CYREN: variants seen among roughly 807,000 people sequenced by gnomAD.
CYREN encodes the protein cell cycle regulator of NHEJ.
Under a neutral mutation model 9.7 loss-of-function variants are expected in CYREN, and 7 were observed. The observed-to-expected ratio is 0.72, with a 90% CI of 0.41 to 1.36. The LOEUF (loss-of-function observed/expected upper bound fraction) is 1.36. CYREN is among the 40% of genes most tolerant of loss of function. The pLI, the probability that CYREN is intolerant of heterozygous loss-of-function variation, is 0.01. For missense variants in CYREN, 215 were observed against 198.1 expected, an observed-to-expected ratio of 1.09 and a Z score of -0.51; for synonymous variants, 76 against 77.9, an observed-to-expected ratio of 0.98 and a Z score of 0.13.
At chr7:135,138,921 A>G (rs1829403116) in intron 2 of CYREN, among the ~76,000 whole-genome samples, 1 of 151,932 alleles carries the variant, frequency 6.6e-6, no homozygotes, top group African/African-American at 2.4e-5. Flanking sequence ...AAAGGACACT[A>G]TTTCATTCTT....
chr7:135,109,899 C>T (rs1009177859), intron 2 of CYREN, among the ~76,000 whole-genome samples: 2 of 152,206 alleles, frequency 1.3e-5, no homozygotes, highest in Non-Finnish European at 2.9e-5. Flanking sequence ...AGCTCTATAC[C>T]AGGGAGGCTC....
intron 2 of CYREN, among the ~76,000 whole-genome samples, chr7:135,150,684 G>A (rs966334023): frequency 7.9e-5 from 12 of 152,262 alleles, no homozygotes; most frequent in African/African-American, 2.2e-4. Flanking sequence ...AATCTTGGCC[G>A]CCCACAAACT....
downstream of CYREN, chr7:135,164,548 C>T: frequency 6.2e-7 from 1 of 1,614,194 alleles, no homozygotes; most frequent in Non-Finnish European, 8.5e-7. Flanking sequence ...CTCTGGGAGG[C>T]TGGCAACCTC....
intron 2 of CYREN, among the ~76,000 whole-genome samples, chr7:135,152,354 A>G (rs1240530081): frequency 6.6e-6 from 1 of 152,238 alleles, no homozygotes; most frequent in African/African-American, 2.4e-5. Context: ...AAATGAGTTA[A>G]TGCACGTAAA....
downstream of CYREN, among the ~76,000 whole-genome samples, chr7:135,161,119 GGT>G (rs1311929867): frequency 2.6e-5 from 4 of 152,170 alleles, no homozygotes; most frequent in Non-Finnish European, 4.4e-5. The surrounding 1 kb of genome is among the most constrained non-coding windows in gnomAD (Gnocchi z 4.1). Flanking sequence ...AATATAAAAA[GGT>G]GAGAGGCCAC....
chr7:135,134,786 A>C (rs1829249757), intron 2 of CYREN: 2 of 1,432,888 alleles, frequency 1.4e-6, no homozygotes, highest in Non-Finnish European at 1.9e-6. Context: ...CATACCTAGG[A>C]CTACAAAGTA....
At chr7:135,163,574 G>A (rs916713438), downstream of CYREN, among the ~76,000 whole-genome samples, 4 of 152,190 alleles carry the variant, frequency 2.6e-5, no homozygotes, top group Non-Finnish European at 5.9e-5. Context: ...GACCCCGGGA[G>A]GCAGAGATTG....
intron 2 of CYREN, among the ~76,000 whole-genome samples, chr7:135,111,911 T>C (rs1330467023): frequency 6.6e-6 from 1 of 152,214 alleles, no homozygotes; most frequent in Non-Finnish European, 1.5e-5. Context: ...CATATTCCTC[T>C]GCCTACTGGA....
chr7:135,101,961 G>A (rs1275225814), intron 2 of CYREN, among the ~76,000 whole-genome samples: 4 of 152,074 alleles, frequency 2.6e-5, no homozygotes, highest in Middle Eastern at 3.2e-3. Flanking sequence ...AGGGGTTTCC[G>A]CTTTCGCTTT....
At chr7:135,115,319 C>A in intron 2 of CYREN, 2 of 1,106,128 alleles carry the variant, frequency 1.8e-6, no homozygotes, top group South Asian at 1.6e-5. Context: ...ATAATAATGC[C>A]CAATAAGTAA....
chr7:135,138,575 A>C (rs1829397085), intron 2 of CYREN, among the ~76,000 whole-genome samples: 1 of 152,096 alleles, frequency 6.6e-6, no homozygotes, highest in Non-Finnish European at 1.5e-5. Flanking sequence ...AATCATACAA[A>C]ATATTCAATT....
chr7:135,124,999 G>A (rs74999598), intron 2 of CYREN, among the ~76,000 whole-genome samples: 1 of 151,920 alleles, frequency 6.6e-6, no homozygotes, highest in Non-Finnish European at 1.5e-5. Flanking sequence ...AGCTAGAGAG[G>A]CAAGAGCAAA....
chr7:135,125,564 A>G (rs1013222838), intron 2 of CYREN, among the ~76,000 whole-genome samples: 3 of 152,224 alleles, frequency 2.0e-5, no homozygotes, highest in African/African-American at 7.2e-5. Context: ...TCATCCTGAT[A>G]CCAAAACCAG....
intron 2 of CYREN, chr7:135,134,984 G>A: frequency 1.3e-6 from 2 of 1,551,170 alleles, no homozygotes; most frequent in Non-Finnish European, 1.7e-6. Flanking sequence ...TCATTGGAAA[G>A]TTTATCACCT....
intron 2 of CYREN, among the ~76,000 whole-genome samples, chr7:135,144,937 GTAAAAAAAAAAAAAAAA>G (rs1353534398): frequency 4.8e-4 from 1 of 2,076 alleles, no homozygotes; most frequent in East Asian, 0.01. Flanking sequence ...TCTCAAAAGA[GTAAAAAAAAAAAAAAAA>G]AAAAAAAAAA....
At chr7:135,164,960 G>C, downstream of CYREN, 1 of 1,604,176 alleles carries the variant, frequency 6.2e-7, no homozygotes, top group Non-Finnish European at 8.5e-7. Flanking sequence ...TGTTCCCTCT[G>C]AGGGCTGAGA....
intron 2 of CYREN, chr7:135,148,119 T>G (rs901568334): frequency 8.8e-6 from 4 of 455,592 alleles, no homozygotes; most frequent in Non-Finnish European, 1.8e-5. Context: ...GGGCACCAGC[T>G]CAGGACTGCA....
chr7:135,121,086 T>C (rs1827067405), intron 2 of CYREN, among the ~76,000 whole-genome samples: 1 of 152,102 alleles, frequency 6.6e-6, no homozygotes, highest in Admixed American at 6.5e-5. Flanking sequence ...ATACCTGTAA[T>C]CCCAGCTACT....
At chr7:135,171,727 G>C (rs1336032979), upstream of CYREN, among the ~76,000 whole-genome samples, 1 of 152,180 alleles carries the variant, frequency 6.6e-6, no homozygotes, top group Non-Finnish European at 1.5e-5. Context: ...TTTGTCTGTG[G>C]CTTGTCCTGC....
Sources: gnomAD v4.1 joint callset for allele counts (sites outside exome capture counted in the v4.1 genomes callset) on GRCh38, gnomAD v4.1.1 for gene constraint, Gnocchi (gnomAD v3.1) non-coding constraint, MANE v1.5 for transcripts, NCBI Gene and HGNC (gene_info 2026-07-23, HGNC 2026-07-21) for gene names.